Variants in NOX4 observed in about 807,000 individuals in gnomAD.
The protein encoded by NOX4 is NADPH oxidase 4, also known as kidney oxidase-1.
A neutral mutation model predicts 87.6 loss-of-function variants in NOX4; 69 were observed. The ratio of observed to expected loss-of-function variants is 0.79; its 90% confidence interval spans 0.65 to 0.96. The LOEUF is 0.96. Ranked by LOEUF, NOX4 falls within the 40% of genes least tolerant of loss-of-function variation. NOX4 has a pLI of 0.00. For missense variants in NOX4, 680 were observed against 681.5 expected (o/e 1.00, Z 0.02); for synonymous variants, 275 against 238.2 (o/e 1.15, Z -1.42).
the NOX4 span, among the ~76,000 whole-genome samples, chr11:89,509,204 A>G: frequency 0.022 from 3,395 of 151,722 alleles, 119 homozygotes; most frequent in African/African-American, 0.074. Flanking sequence ...CATGGCCAAA[A>G]TATATTGGAA....
At chr11:89,333,651 C>T (rs1288668458) in intron 17 of NOX4, among the ~76,000 whole-genome samples, 1 of 151,748 alleles carries the variant, frequency 6.6e-6, no homozygotes, top group Non-Finnish European at 1.5e-5. Context: ...TGCCTGTCTT[C>T]CCTACTGTTA....
chr11:89,328,307 G>A (rs1945299539), intron 17 of NOX4, among the ~76,000 whole-genome samples: 1 of 152,180 alleles, frequency 6.6e-6, no homozygotes, highest in Non-Finnish European at 1.5e-5. Flanking sequence ...ACACAGGACT[G>A]CAAATAATTT....
upstream of NOX4, chr11:89,492,142 G>C (rs1946875459): frequency 6.6e-6 from 1 of 152,124 alleles, no homozygotes; most frequent in Non-Finnish European, 1.5e-5. Flanking sequence ...GTAAGTAATA[G>C]GAATCCTCTC....
chr11:89,550,287 G>C, the NOX4 span, among the ~76,000 whole-genome samples: 1 of 151,914 alleles, frequency 6.6e-6, no homozygotes, highest in East Asian at 1.9e-4. Flanking sequence ...CTGGGTTCAA[G>C]CAATTCTCCT....
intron 12 of NOX4, among the ~76,000 whole-genome samples, chr11:89,368,988 T>A (rs533502368): frequency 1.3e-5 from 2 of 152,262 alleles, no homozygotes; most frequent in African/African-American, 2.4e-5. Flanking sequence ...CTCTTAAACT[T>A]TTTTAAGATA....
At chr11:89,418,707 C>T (rs1476695278) in intron 8 of NOX4, among the ~76,000 whole-genome samples, 13 of 151,692 alleles carry the variant, frequency 8.6e-5, no homozygotes, top group East Asian at 1.9e-4. Flanking sequence ...CAACCAAAAA[C>T]GAAAGAACAT....
At chr11:89,513,841 C>T in the NOX4 span, among the ~76,000 whole-genome samples, 1 of 152,002 alleles carries the variant, frequency 6.6e-6, no homozygotes, top group Non-Finnish European at 1.5e-5. Flanking sequence ...ATCCATGTCT[C>T]TTTCTACTAC....
intron 11 of NOX4, among the ~76,000 whole-genome samples, chr11:89,387,688 A>G (rs1420848901): frequency 1.3e-5 from 2 of 152,218 alleles, no homozygotes; most frequent in Admixed American, 1.3e-4. Context: ...AATTAGTATG[A>G]AAATAATGTC....
chr11:89,359,017 C>G (rs1284181371), intron 12 of NOX4, among the ~76,000 whole-genome samples: 1 of 151,926 alleles, frequency 6.6e-6, no homozygotes, highest in Admixed American at 6.6e-5. Context: ...GATTTTCTAC[C>G]AGTAGGAGAT....
At chr11:89,589,339 C>T in the NOX4 span, 1 of 152,208 alleles carries the variant, frequency 6.6e-6, no homozygotes, top group African/African-American at 2.4e-5. Flanking sequence ...TCTTTCTCTA[C>T]CCCTTTAGTT....
At chr11:89,539,613 C>T in the NOX4 span, among the ~76,000 whole-genome samples, 1 of 152,032 alleles carries the variant, frequency 6.6e-6, no homozygotes, top group African/African-American at 2.4e-5. Flanking sequence ...TCCTCACCCA[C>T]CCTCTTTCTC....
chr11:89,460,726 C>A (rs1239548192), intron 2 of NOX4, among the ~76,000 whole-genome samples: 2 of 152,142 alleles, frequency 1.3e-5, no homozygotes, highest in Non-Finnish European at 2.9e-5. Flanking sequence ...TAAACTAGTT[C>A]AACCATTGTG....
chr11:89,459,882 G>A (rs534017944), intron 2 of NOX4, among the ~76,000 whole-genome samples: 1 of 152,140 alleles, frequency 6.6e-6, no homozygotes, highest in Non-Finnish European at 1.5e-5. Flanking sequence ...AACAAAGCTG[G>A]AGGCATCACA....
chr11:89,527,641 A>G, the NOX4 span, among the ~76,000 whole-genome samples: 1 of 152,224 alleles, frequency 6.6e-6, no homozygotes, highest in African/African-American at 2.4e-5. Flanking sequence ...GAAAGCCCCA[A>G]GCCTTGGCAG....
chr11:89,458,127 C>G (rs1365800183), intron 2 of NOX4, among the ~76,000 whole-genome samples: 4 of 152,146 alleles, frequency 2.6e-5, no homozygotes, highest in Non-Finnish European at 5.9e-5. Flanking sequence ...AAGAACAAAG[C>G]TGGAGGCCTC....
upstream of NOX4, among the ~76,000 whole-genome samples, chr11:89,502,061 C>T (rs1377009427): frequency 6.6e-6 from 1 of 152,034 alleles, no homozygotes; most frequent in Non-Finnish European, 1.5e-5. Context: ...CTATATTTCA[C>T]TCCAGTCCTG....
chr11:89,325,250 A>G lies in NOX4; in HGVS notation c.*1506T>C, dbSNP rs2135349885. ...AGCGATTCTTTGCCTCAGTCTCCCG[A>G]GTAGTTGGGATTATAGGCACCCGCC... is the stretch of plus-strand genomic sequence containing the variant. On this transcript the variant is annotated 3_prime_UTR_variant, in exon 18 of 18. Transcript: ENST00000263317. The G allele has an allele frequency of 6.7e-6, 1 of 148,400 alleles. No individual in the cohort carries two copies. Among genetic ancestry groups the G allele is most frequent in the Admixed American group, 6.9e-5 (1 of 14,508 alleles). The allele number at this position is 148,400 out of a possible 1,614,324, so 9.2% of individuals were successfully genotyped here.
chr11:89,362,118 T>C lies in NOX4; in HGVS notation c.1136-7075A>G, dbSNP rs138411350. ...CTTCCCCCAAACCCTCTTTGTTCTC[T>C]TTCCTGTCATGGGTATTGATCCCTA... is the stretch of plus-strand genomic sequence containing the variant. On this transcript the variant is annotated intron_variant, in intron 12 of 17. Coordinates refer to ENST00000263317, the MANE Select transcript of NOX4 (RefSeq NM_016931.5). Among the ~76,000 whole-genome samples the C allele has an allele frequency of 3.2e-3, 491 of 152,078 alleles. 4 individuals are homozygous for C. Among genetic ancestry groups the C allele is most frequent in the African/African-American group, 0.011 (470 of 41,496 alleles).
At chr11:89,355,179 C>T in intron 12 of NOX4, 136 bp from the exon 13 acceptor site, 1 of 603,044 alleles carries the variant, frequency 1.7e-6, no homozygotes, top group Non-Finnish European at 2.9e-6. Flanking sequence ...GAAATTTACC[C>T]ACCATTTTAT....
Sources: allele counts gnomAD v4.1 joint callset (sites outside exome capture counted in the v4.1 genomes callset), GRCh38; gene constraint gnomAD v4.1.1; transcripts MANE v1.5; gene names NCBI Gene and HGNC (gene_info 2026-07-23, HGNC 2026-07-21).